FBXL7: variants seen among roughly 807,000 people sequenced by gnomAD.
FBXL7 encodes the protein F-box and leucine rich repeat protein 7, also known as F-box/LRR-repeat protein 7.
FBXL7 carries 12 observed loss-of-function variants against 38.3 expected under a neutral mutation model. That is an observed-to-expected ratio of 0.31 (90% confidence interval 0.20 to 0.51). FBXL7 has a LOEUF of 0.51. FBXL7 is among the 20% of genes least tolerant of loss of function. FBXL7 has a pLI of 0.98. For missense variants in FBXL7, 567 were observed against 676.4 expected (o/e 0.84, Z 1.79); for synonymous variants, 297 against 300.9 (o/e 0.99, Z 0.13).
At chr5:15,674,771 T>C (rs933324420) in intron 2 of FBXL7, among the ~76,000 whole-genome samples, 1 of 152,214 alleles carries the variant, frequency 6.6e-6, no homozygotes, top group African/African-American at 2.4e-5. Context: ...GCAATTCTGA[T>C]ATTTTGCCAT....
chr5:15,540,115 T>A (rs1184973260), intron 1 of FBXL7, among the ~76,000 whole-genome samples: 1 of 152,150 alleles, frequency 6.6e-6, no homozygotes, highest in Non-Finnish European at 1.5e-5. Context: ...ACAAGGAAAA[T>A]ATCATGCAAA....
intron 1 of FBXL7, among the ~76,000 whole-genome samples, chr5:15,598,900 C>A (rs1479666037): frequency 6.6e-6 from 1 of 152,130 alleles, no homozygotes; most frequent in Non-Finnish European, 1.5e-5. Context: ...GGCAGCAACA[C>A]AAAGTTAGGG....
At chr5:15,683,598 A>G (rs943159463) in intron 2 of FBXL7, among the ~76,000 whole-genome samples, 27 of 152,336 alleles carry the variant, frequency 1.8e-4, no homozygotes, top group African/African-American at 6.5e-4. Context: ...TTATTTCACA[A>G]TAGACTTCCT....
chr5:15,687,067 C>T (rs561109701), intron 2 of FBXL7, among the ~76,000 whole-genome samples: 22 of 152,314 alleles, frequency 1.4e-4, no homozygotes, highest in African/African-American at 4.8e-4. Context: ...ATATTTAAGA[C>T]CACTTTGTCT....
intron 2 of FBXL7, among the ~76,000 whole-genome samples, chr5:15,868,917 T>A (rs180700971): frequency 2.0e-5 from 3 of 152,340 alleles, no homozygotes; most frequent in Admixed American, 6.5e-5. Context: ...TAACTATCGC[T>A]GTGTAACAAA....
At chr5:15,800,795 G>C (rs1285006246) in intron 2 of FBXL7, among the ~76,000 whole-genome samples, 2 of 152,194 alleles carry the variant, frequency 1.3e-5, no homozygotes, top group East Asian at 1.9e-4. Context: ...AGGCCATAAG[G>C]CTAGTTACCT....
chr5:15,541,630 T>TG (rs921175359), intron 1 of FBXL7, among the ~76,000 whole-genome samples: 4 of 147,330 alleles, frequency 2.7e-5, no homozygotes, highest in Non-Finnish European at 6.0e-5. Flanking sequence ...CTGCAACCTC[T>TG]GCCTTCCAGG....
At chr5:15,919,703 A>G (rs1034309905) in intron 2 of FBXL7, among the ~76,000 whole-genome samples, 2 of 152,182 alleles carry the variant, frequency 1.3e-5, no homozygotes, top group African/African-American at 4.8e-5. Context: ...AGAAAATCCA[A>G]AAGTTCACTA....
In FBXL7 at chr5:15,516,829, T is replaced by C. The variant is rs1008983893; in HGVS notation, c.37+16116T>C. 5.2e-4 allele frequency among the ~76,000 whole-genome samples: 79 copies of C among 151,994 alleles called. 1 individual carries two copies. The highest frequency in any genetic ancestry group is 8.3e-4 in the South Asian group (4 of 4,824). ...TCGGCATTTCTCCTTGCTGCTGCCA[T>C]GTGAGGAAGGACGCATTTGCTTCCC... On this transcript the variant is annotated intron_variant, in intron 1 of 3. Coordinates refer to ENST00000504595, the MANE Select transcript of FBXL7 (RefSeq NM_012304.5).
rs866294834 is a variant in FBXL7, at chr5:15,716,598, C to A, written c.127+100526C>A. ...CTCTGCAACTTCTCCTAACATCTTTCGGGTCTGTATATGGGCTAGTTAATT... is the reference window on the plus strand; with the variant it reads ...CTCTGCAACTTCTCCTAACATCTTTAGGGTCTGTATATGGGCTAGTTAATT... On this transcript the variant is annotated intron_variant, in intron 2 of 3. Transcript: ENST00000504595. Among the ~76,000 whole-genome samples the A allele has an allele frequency of 1.6e-4, 24 of 152,120 alleles. 1 individual carries two copies. The highest frequency in any genetic ancestry group is 8.8e-5 in the Non-Finnish European group (6 of 68,022).
intron 2 of FBXL7, among the ~76,000 whole-genome samples, chr5:15,733,985 T>TG (rs1426847770): frequency 1.3e-5 from 2 of 152,094 alleles, no homozygotes; most frequent in Non-Finnish European, 2.9e-5. Context: ...CATGTGCCTG[T>TG]AATCGCAGCT....
intron 2 of FBXL7, among the ~76,000 whole-genome samples, chr5:15,882,669 A>G (rs1740506314): frequency 6.6e-6 from 1 of 152,194 alleles, no homozygotes; most frequent in South Asian, 2.1e-4. Context: ...TATGAAGCCA[A>G]ATGGCCTTTA....
chr5:15,939,352 C>T lies in FBXL7; in HGVS notation c.*2166C>T, dbSNP rs183026159. On this transcript the variant is annotated 3_prime_UTR_variant, in exon 4 of 4. Coordinates refer to ENST00000504595, the MANE Select transcript of FBXL7 (RefSeq NM_012304.5). ...CAAAGGATTGTCCCTAATCCTTGGC[C>T]CTGGGGTCTTCCGAGTGAGCTGGTT... is the stretch of plus-strand genomic sequence containing the variant. The T allele has an allele frequency of 2.2e-4, 63 of 290,664 alleles. No homozygotes were observed. The highest frequency in any genetic ancestry group is 1.3e-3 in the African/African-American group (61 of 46,320). The allele number at this position is 290,664 out of a possible 1,614,324, so 18.0% of individuals were successfully genotyped here.
At chr5:15,831,977 G>C (rs1738469114) in intron 2 of FBXL7, among the ~76,000 whole-genome samples, 1 of 151,880 alleles carries the variant, frequency 6.6e-6, no homozygotes, top group Non-Finnish European at 1.5e-5. Context: ...TGGCCTTCAG[G>C]GTAAGAAAGC....
intron 2 of FBXL7, among the ~76,000 whole-genome samples, chr5:15,820,862 C>T (rs1738150489): frequency 6.6e-6 from 1 of 152,218 alleles, no homozygotes; most frequent in African/African-American, 2.4e-5. Context: ...CTACACTCAT[C>T]CCACACCCCC....
chr5:15,850,434 G>A (rs1275994188), intron 2 of FBXL7, among the ~76,000 whole-genome samples: 1 of 152,198 alleles, frequency 6.6e-6, no homozygotes, highest in East Asian at 1.9e-4. Context: ...CGTAGAGAAA[G>A]GGGGTATTGC....
chr5:15,657,311 G>A (rs77275600), intron 2 of FBXL7, among the ~76,000 whole-genome samples: 4,072 of 150,634 alleles, frequency 0.027, 79 homozygotes, highest in East Asian at 0.053. Context: ...TTAGTAGGCT[G>A]TTTGCCCTAC....
chr5:15,760,426 CAA>C (rs74868826), intron 2 of FBXL7, among the ~76,000 whole-genome samples: 64 of 90,030 alleles, frequency 7.1e-4, no homozygotes, highest in Admixed American at 1.2e-3. Context: ...TTTGGAAAAG[CAA>C]AAAAAAAAAA....
chr5:15,500,600 T>G lies in FBXL7; in HGVS notation c.-77T>G. The G allele has an allele frequency of 6.2e-7, 1 of 1,604,218 alleles. No homozygotes were observed. Among genetic ancestry groups the G allele is most frequent in the Non-Finnish European group, 8.5e-7 (1 of 1,171,606 alleles). ...AGCTAACGGTCCCGTCGGGCGGGCT[T>G]TCCTCGGGCCGAGCGCGCAGGACGT... On this transcript the variant is annotated 5_prime_UTR_variant, in exon 1 of 4. Coordinates refer to ENST00000504595, the MANE Select transcript of FBXL7 (RefSeq NM_012304.5).
Sources: allele counts gnomAD v4.1 joint callset (sites outside exome capture counted in the v4.1 genomes callset), GRCh38; gene constraint gnomAD v4.1.1; transcripts MANE v1.5; gene names NCBI Gene and HGNC (gene_info 2026-07-23, HGNC 2026-07-21).